The following JAKMIP2 variants were observed in gnomAD, a reference collection of about 807,000 sequenced individuals.
JAKMIP2 encodes the protein janus kinase and microtubule interacting protein 2.
JAKMIP2 carries 25 observed loss-of-function variants against 115.0 expected under a neutral mutation model. The observed-to-expected ratio is 0.22, with a 90% CI of 0.16 to 0.30. JAKMIP2 has a LOEUF of 0.30. JAKMIP2 is among the 10% of genes least tolerant of loss of function. JAKMIP2 has a pLI of 1.00. For synonymous variants in JAKMIP2, 334 were observed against 343.6 expected (o/e 0.97, Z 0.31); for missense variants, 642 against 957.6 (o/e 0.67, Z 4.35).
chr5:147,619,557 T>C (rs1419397739), intron 18 of JAKMIP2, among the ~76,000 whole-genome samples: 1 of 152,224 alleles, frequency 6.6e-6, no homozygotes, highest in Non-Finnish European at 1.5e-5. Context: ...CTTTGAAATG[T>C]TCCTTTAACT....
At chr5:147,606,075 G>T (rs1755996461) in intron 20 of JAKMIP2, among the ~76,000 whole-genome samples, 1 of 152,100 alleles carries the variant, frequency 6.6e-6, no homozygotes, top group African/African-American at 2.4e-5. Flanking sequence ...GTAGATTCTG[G>T]ATAACAGCCC....
In JAKMIP2 at chr5:147,675,782, C is replaced by CTT. The variant is rs1561531706; in HGVS notation, c.-148-3829_-148-3828insAA. 2.1e-4 allele frequency among the ~76,000 whole-genome samples: 27 copies of CTT among 126,778 alleles called. 2 individuals carry two copies. Among genetic ancestry groups the CTT allele is most frequent in the Non-Finnish European group, 3.0e-4 (18 of 60,876 alleles). The allele number at this position is 126,778 out of a possible 152,430, so 83.2% of individuals were successfully genotyped here. A position where few individuals can be genotyped will look rare whatever the true frequency, so the allele number is the denominator to read the frequency against. On this transcript the variant is annotated intron_variant, in intron 1 of 21. Transcript: ENST00000616793. ...ATTTTGTATAAGTGGAATCATATGA[C>CTT]ATTTTTTTTTTTTTTTTTTTTTTGT...
chr5:147,693,801 G>A (rs1026339541), intron 1 of JAKMIP2, among the ~76,000 whole-genome samples: 10 of 152,132 alleles, frequency 6.6e-5, no homozygotes, highest in African/African-American at 1.9e-4. Context: ...AAAATCTTAT[G>A]TTAACTGAAT....
intron 5 of JAKMIP2, among the ~76,000 whole-genome samples, chr5:147,646,778 A>G (rs1222669539): frequency 2.0e-5 from 3 of 151,686 alleles, no homozygotes; most frequent in Non-Finnish European, 4.4e-5. Flanking sequence ...GTATTACCAG[A>G]GGAAAAAAAA....
intron 3 of JAKMIP2, among the ~76,000 whole-genome samples, chr5:147,651,428 A>G (rs1256270411): frequency 1.3e-5 from 2 of 152,194 alleles, no homozygotes; most frequent in Non-Finnish European, 1.5e-5. Flanking sequence ...TCTATAAACA[A>G]TTTTTAAAGA....
chr5:147,676,659 A>G (rs1317462981), intron 1 of JAKMIP2, among the ~76,000 whole-genome samples: 2 of 152,206 alleles, frequency 1.3e-5, no homozygotes, highest in South Asian at 2.1e-4. Context: ...ATCCCTAATC[A>G]GGCACCTCCT....
intron 1 of JAKMIP2, among the ~76,000 whole-genome samples, chr5:147,745,056 C>CAAAAAAAAAA (rs60275664): frequency 1.1e-5 from 1 of 88,410 alleles, no homozygotes. Flanking sequence ...GACTCTGTCT[C>CAAAAAAAAAA]AAAAAAAAAA....
At chr5:147,756,448 T>C (rs2127035413) in intron 1 of JAKMIP2, among the ~76,000 whole-genome samples, 1 of 152,310 alleles carries the variant, frequency 6.6e-6, no homozygotes, top group Middle Eastern at 3.4e-3. Context: ...TGAAAAGTTC[T>C]CATGGTTATA....
chr5:147,764,933 AGAGAGAGAGAGAGG>A (rs1561582426), intron 1 of JAKMIP2, among the ~76,000 whole-genome samples: 6 of 103,424 alleles, frequency 5.8e-5, no homozygotes, highest in African/African-American at 3.0e-4. Context: ...AGAGAGAGAG[AGAGAGAGAGAGAGG>A]GAGAGAGAGA....
At chr5:147,591,722 A>T in intron 21 of JAKMIP2, 36 bp from the exon 22 acceptor site, 1 of 1,268,558 alleles carries the variant, frequency 7.9e-7, no homozygotes, top group Non-Finnish European at 1.1e-6. Flanking sequence ...TTATATATCA[A>T]TTTTGTTAAT....
intron 1 of JAKMIP2, among the ~76,000 whole-genome samples, chr5:147,778,959 G>A (rs571360887): frequency 1.7e-4 from 26 of 152,114 alleles, no homozygotes; most frequent in Admixed American, 1.6e-3. Flanking sequence ...TGTAAACAGG[G>A]AATTGCAACA....
intron 1 of JAKMIP2, among the ~76,000 whole-genome samples, chr5:147,746,933 GT>G (rs1200680684): frequency 1.3e-5 from 2 of 152,124 alleles, no homozygotes; most frequent in African/African-American, 4.8e-5. Context: ...AAATAAGCCA[GT>G]GCCCATAAGT....
At chr5:147,744,035 C>CTTCCTTCCT (rs1561572189) in intron 1 of JAKMIP2, among the ~76,000 whole-genome samples, 1 of 147,082 alleles carries the variant, frequency 6.8e-6, no homozygotes, top group Non-Finnish European at 1.5e-5. Flanking sequence ...TCCTTCCTTC[C>CTTCCTTCCT]TTCCTTCCTT....
At chr5:147,683,673 TGTTTTCAAAGG>T (rs1160492755) in intron 1 of JAKMIP2, among the ~76,000 whole-genome samples, 1 of 152,220 alleles carries the variant, frequency 6.6e-6, no homozygotes, top group Non-Finnish European at 1.5e-5. Context: ...CCTTGGTGAC[TGTTTTCAAAGG>T]TCTTGAATTT....
rs1170384240 is a variant in JAKMIP2 at position 147,623,671 on chromosome 5, C to T, written c.2014G>A (p.Gly672Arg). 1.2e-6 allele frequency: 2 copies of T among 1,611,418 alleles called. No individual in the cohort carries two copies. Among genetic ancestry groups the T allele is most frequent in the Admixed American group, 1.7e-5 (1 of 60,004 alleles). Residue 672 changes from glycine (G) to arginine (R), a missense_variant, in exon 17 of 22, where the codon GGA becomes AGA. Coordinates refer to ENST00000616793, the MANE Select transcript of JAKMIP2 (RefSeq NM_001270941.2). ...LAEKWIQQIEGAEAALHQKMM... is the reference protein window; with the variant it reads ...LAEKWIQQIERAEAALHQKMM... ...TTCTGGTGTAGGGCAGCCTCAGCTC[C>T]TTCAATCTGCTGGATCCACTAAGGG...
At chr5:147,652,919 C>T (rs533364041) in intron 3 of JAKMIP2, among the ~76,000 whole-genome samples, 17 of 152,144 alleles carry the variant, frequency 1.1e-4, no homozygotes, top group Admixed American at 7.2e-4. Flanking sequence ...CATGTGTTCT[C>T]ATTGTTCAAC....
At chr5:147,639,920 A>C (rs1053264633) in intron 9 of JAKMIP2, among the ~76,000 whole-genome samples, 160 bp from the exon 10 acceptor site, 5 of 152,212 alleles carry the variant, frequency 3.3e-5, no homozygotes, top group African/African-American at 1.2e-4. Flanking sequence ...TACGGGCACA[A>C]ATACTGTAAT....
At chr5:147,608,046 T>C (rs1445367839) in intron 20 of JAKMIP2, among the ~76,000 whole-genome samples, 2 of 152,184 alleles carry the variant, frequency 1.3e-5, no homozygotes, top group Non-Finnish European at 2.9e-5. Context: ...TTATTGTGTC[T>C]ATTTGATTCT....
intron 3 of JAKMIP2, among the ~76,000 whole-genome samples, chr5:147,652,151 A>C (rs1450231917): frequency 6.6e-6 from 1 of 152,100 alleles, no homozygotes; most frequent in African/African-American, 2.4e-5. Context: ...TAACAATCCT[A>C]TTCAGTAGGT....
Sources: gnomAD v4.1 joint callset for allele counts (sites outside exome capture counted in the v4.1 genomes callset) on GRCh38, gnomAD v4.1.1 for gene constraint, MANE v1.5 for transcripts, NCBI Gene and HGNC (gene_info 2026-07-23, HGNC 2026-07-21) for gene names.